MEMO1: variants seen among roughly 807,000 people sequenced by gnomAD.
MEMO1 encodes the protein protein MEMO1.
Under a neutral mutation model 45.2 loss-of-function variants are expected in MEMO1, and 6 were observed. That is an observed-to-expected ratio of 0.13 (90% confidence interval 0.07 to 0.26). The LOEUF is 0.26. MEMO1 is among the 10% of genes least tolerant of loss of function. MEMO1 has a pLI of 1.00. For missense variants in MEMO1, 184 were observed against 370.5 expected, an observed-to-expected ratio of 0.50 and a Z score of 4.13; for synonymous variants, 78 against 124.3, an observed-to-expected ratio of 0.63 and a Z score of 2.48.
chr2:31,897,880 C>A (rs1678118098), intron 6 of MEMO1, among the ~76,000 whole-genome samples: 1 of 151,896 alleles, frequency 6.6e-6, no homozygotes, highest in African/African-American at 2.4e-5. Context: ...TTAATTACTC[C>A]CTCAATTTTA....
chr2:31,906,583 A>G (rs529412695), intron 6 of MEMO1, among the ~76,000 whole-genome samples: 1 of 152,190 alleles, frequency 6.6e-6, no homozygotes, highest in South Asian at 2.1e-4. Context: ...TTGGCCTCCC[A>G]AAGTGCTGAG....
intron 2 of MEMO1, among the ~76,000 whole-genome samples, chr2:31,995,701 G>GA (rs140903843): frequency 7.6e-4 from 110 of 145,470 alleles, no homozygotes; most frequent in African/African-American, 2.3e-3. Context: ...TACAAAAAGA[G>GA]AAAAAAAAAA....
At chr2:31,939,344 C>T (rs944472075) in intron 3 of MEMO1, among the ~76,000 whole-genome samples, 1 of 151,996 alleles carries the variant, frequency 6.6e-6, no homozygotes, top group Non-Finnish European at 1.5e-5. Flanking sequence ...AGAAACACAC[C>T]AAAGCCAAAA....
At chr2:31,910,050 A>T (rs889278491) in intron 6 of MEMO1, among the ~76,000 whole-genome samples, 2 of 152,116 alleles carry the variant, frequency 1.3e-5, no homozygotes, top group East Asian at 3.8e-4. Flanking sequence ...CATAAAAATG[A>T]TAAGAATTAT....
intron 8 of MEMO1, among the ~76,000 whole-genome samples, chr2:31,872,945 G>T (rs757106934): frequency 6.6e-6 from 1 of 152,042 alleles, no homozygotes; most frequent in Non-Finnish European, 1.5e-5. Context: ...ACTAATACAG[G>T]ATACTGGCAA....
chr2:31,995,330 T>C (rs2148566716), intron 2 of MEMO1, among the ~76,000 whole-genome samples: 1 of 152,140 alleles, frequency 6.6e-6, no homozygotes, highest in East Asian at 1.9e-4. Flanking sequence ...TGGGCACCTG[T>C]AATCCCAGCT....
At chr2:31,887,124 C>A (rs1192037357) in intron 7 of MEMO1, among the ~76,000 whole-genome samples, 1 of 152,200 alleles carries the variant, frequency 6.6e-6, no homozygotes, top group Non-Finnish European at 1.5e-5. Context: ...ATTTTCCCAT[C>A]TCCAAAGGTG....
At chr2:31,951,688 G>A (rs534071172) in intron 2 of MEMO1, among the ~76,000 whole-genome samples, 1 of 151,902 alleles carries the variant, frequency 6.6e-6, no homozygotes, top group Non-Finnish European at 1.5e-5. Context: ...GCCTGCCACC[G>A]CACCCGGCTA....
intron 7 of MEMO1, among the ~76,000 whole-genome samples, chr2:31,890,620 G>T (rs150812573): frequency 6.6e-6 from 1 of 152,122 alleles, no homozygotes; most frequent in East Asian, 1.9e-4. Flanking sequence ...AAAAAAAGAA[G>T]AAGAACCCTG....
intron 4 of MEMO1, among the ~76,000 whole-genome samples, chr2:31,930,145 C>G (rs567887838): frequency 6.6e-6 from 1 of 152,116 alleles, no homozygotes; most frequent in Non-Finnish European, 1.5e-5. Context: ...CACCTGTAGT[C>G]CTAGCTACCT....
chr2:31,877,992 T>C (rs1674801130), intron 8 of MEMO1, among the ~76,000 whole-genome samples: 1 of 152,180 alleles, frequency 6.6e-6, no homozygotes, highest in Non-Finnish European at 1.5e-5. Context: ...ATATCCTGAT[T>C]GACAGAAATG....
intron 2 of MEMO1, among the ~76,000 whole-genome samples, chr2:31,957,621 G>T (rs1036760624): frequency 6.6e-6 from 1 of 152,172 alleles, no homozygotes; most frequent in African/African-American, 2.4e-5. Context: ...ATATCTGGTA[G>T]AAAGAAGCAG....
rs552435722 is a variant in MEMO1 at position 31,956,740 on chromosome 2, G to A, written c.62-13357C>T. ...TCTTTTAATTGAGGGGGAAGAACAC[G>A]CATTATACACAACAGAAGGTACAAT... On this transcript the variant is annotated intron_variant, in intron 2 of 9. Coordinates refer to ENST00000404530, the MANE Select transcript of MEMO1 (RefSeq NM_001301833.4). Among the ~76,000 whole-genome samples the A allele has an allele frequency of 7.7e-4, 117 of 152,274 alleles. 3 individuals are homozygous for A. In the South Asian group the frequency reaches 0.016, roughly 21 times the overall value.
At chr2:32,008,256 C>T (rs1674347542) in intron 2 of MEMO1, among the ~76,000 whole-genome samples, 1 of 152,184 alleles carries the variant, frequency 6.6e-6, no homozygotes, top group South Asian at 2.1e-4. Flanking sequence ...AATCACTTGC[C>T]CACATTCCAA....
At chr2:31,979,467 A>G (rs1025421036) in intron 2 of MEMO1, among the ~76,000 whole-genome samples, 1 of 152,176 alleles carries the variant, frequency 6.6e-6, no homozygotes, top group Admixed American at 6.5e-5. Context: ...GAGGTTTCAC[A>G]CTTATTAATA....
chr2:31,960,213 T>A (rs1432060117), intron 2 of MEMO1, among the ~76,000 whole-genome samples: 1 of 150,500 alleles, frequency 6.6e-6, no homozygotes, highest in Non-Finnish European at 1.5e-5. Context: ...AAAAAAAAAA[T>A]TCTAAAATGT....
At chr2:31,942,641 C>A (rs1167320008) in intron 3 of MEMO1, among the ~76,000 whole-genome samples, 1 of 151,956 alleles carries the variant, frequency 6.6e-6, no homozygotes, top group Non-Finnish European at 1.5e-5. Flanking sequence ...CCACTGCCAC[C>A]CCCAGTAGCT....
chr2:32,000,432 G>A (rs1030774206), intron 2 of MEMO1, among the ~76,000 whole-genome samples: 15 of 151,374 alleles, frequency 9.9e-5, no homozygotes, highest in Non-Finnish European at 2.2e-4. Flanking sequence ...GGGTTTCACC[G>A]TGTTAGCCAG....
intron 8 of MEMO1, among the ~76,000 whole-genome samples, chr2:31,879,529 T>C (rs569991503): frequency 2.4e-4 from 36 of 152,236 alleles, no homozygotes; most frequent in Non-Finnish European, 3.8e-4. Context: ...CTTCATGTTC[T>C]AAACCAGTAC....
Sources: gnomAD v4.1 joint callset for allele counts (sites outside exome capture counted in the v4.1 genomes callset) on GRCh38, gnomAD v4.1.1 for gene constraint, MANE v1.5 for transcripts, NCBI Gene and HGNC (gene_info 2026-07-23, HGNC 2026-07-21) for gene names.